RAPSN: variants seen among roughly 807,000 people sequenced by gnomAD.
The protein encoded by RAPSN is receptor associated protein of the synapse.
Under a neutral mutation model 45.7 loss-of-function variants are expected in RAPSN, and 33 were observed. That is an observed-to-expected ratio of 0.72 (90% confidence interval 0.55 to 0.97). The LOEUF (loss-of-function observed/expected upper bound fraction) is 0.97. RAPSN is among the 50% of genes least tolerant of loss of function. The pLI, the probability that RAPSN is intolerant of heterozygous loss-of-function variation, is 0.00. For synonymous variants in RAPSN, 244 were observed against 233.6 expected, an observed-to-expected ratio of 1.04 and a Z score of -0.40; for missense variants, 519 against 559.4, an observed-to-expected ratio of 0.93 and a Z score of 0.73.
Position 47,447,772 on chromosome 11 carries a change from C to A in RAPSN, c.531+40G>T, listed in dbSNP as rs192428099. ...TGTGTGCCTCATGAGAGGGGAGCCC[C>A]AAAACCCTCCACTGCTGTCCCCCTG... On this transcript the variant is annotated intron_variant, in intron 2 of 7. Coordinates refer to ENST00000298854, the MANE Select transcript of RAPSN (RefSeq NM_005055.5). 2.4e-5 allele frequency: 38 copies of A among 1,580,386 alleles called. No homozygotes were observed. The Admixed American group carries it at 2.5e-4, about 11-fold the overall frequency.
Position 47,447,857 on chromosome 11 carries a change from C to T in RAPSN, c.486G>A (p.Glu162=), listed in dbSNP as rs1279393649. 1.2e-6 allele frequency: 2 copies of T among 1,613,550 alleles called. No individual in the cohort carries two copies. Among genetic ancestry groups the T allele is most frequent in the Non-Finnish European group, 1.7e-6 (2 of 1,179,878 alleles). The change falls in exon 2 of 8, where the codon GAG becomes GAA. Residue 162 remains glutamate, a synonymous_variant. Transcript: ENST00000298854. ...YAHNNDDAML[E]CRVCCSLGSF... Reference sequence around the variant, plus strand: ...TGCCCAGGCTGCAGCACACGCGGCACTCGAGCATGGCGTCATCATTGTTGT... The same window carrying T: ...TGCCCAGGCTGCAGCACACGCGGCATTCGAGCATGGCGTCATCATTGTTGT...
Position 47,445,929 on chromosome 11 carries a change from C to CT in RAPSN, c.531+1882dup, listed in dbSNP as rs759897915. ...AACACCCCACAAGCCCACACTTGGGCTTTTTTTTTTTTTCTCTCACACAGG... is the reference window on the plus strand; with the variant it reads ...AACACCCCACAAGCCCACACTTGGGCTTTTTTTTTTTTTTCTCTCACACAGG... On this transcript the variant is annotated intron_variant, in intron 2 of 7. Transcript: ENST00000298854. Among the ~76,000 whole-genome samples the CT allele has an allele frequency of 5.5e-3, 799 of 144,482 alleles. 3 individuals carry two copies. The highest frequency in any genetic ancestry group is 0.017 in the African/African-American group (688 of 39,748). The allele number at this position is 144,482 out of a possible 152,430, so 94.8% of individuals were successfully genotyped here.
Position 47,437,825 on chromosome 11 carries a change from T to TGGGCCCAGGGGAGCAGCCCTGGGCA in RAPSN, c.*125_*149dup. The TGGGCCCAGGGGAGCAGCCCTGGGCA allele has an allele frequency of 1.1e-6, 1 of 921,228 alleles. No homozygotes were observed. The highest frequency in any genetic ancestry group is 1.7e-6 in the Non-Finnish European group (1 of 581,778). 57.1% of individuals were successfully genotyped at this position (921,228 alleles called of 1,614,324 possible). A position where few individuals can be genotyped will look rare whatever the true frequency, so the allele number is the denominator to read the frequency against. ...AGTACAAAGAGGCAGGGAGGGGAGC[T>TGGGCCCAGGGGAGCAGCCCTGGGCA]GGGCCCAGGGGAGCAGCCCTGGGCA... On this transcript the variant is annotated 3_prime_UTR_variant, in exon 8 of 8. Coordinates refer to ENST00000298854, the MANE Select transcript of RAPSN (RefSeq NM_005055.5).
At chr11:47,441,245 A>G in intron 5 of RAPSN, 33 bp from the exon 6 acceptor site, 1 of 1,611,920 alleles carries the variant, frequency 6.2e-7, no homozygotes, top group Non-Finnish European at 8.5e-7. Context: ...GGCTGCGGGC[A>G]GAGCTGTCTG....
chr11:47,447,800 G>T lies in RAPSN; in HGVS notation c.531+12C>A. On this transcript the variant is annotated intron_variant, in intron 2 of 7. Transcript: ENST00000298854. The stretch of plus-strand genomic sequence containing the variant: ...AACCCTCCACTGCTGTCCCCCTGGG[G>T]TGCAGGCCCACCTTGACCTGGGCAT... 1 of 1,606,498 alleles carries T rather than the reference G, an allele frequency of 6.2e-7. No individual in the cohort carries two copies. The highest frequency in any genetic ancestry group is 8.5e-7 in the Non-Finnish European group (1 of 1,176,964).
chr11:47,446,431 T>TG (rs2076407378), intron 2 of RAPSN, among the ~76,000 whole-genome samples: 1 of 152,066 alleles, frequency 6.6e-6, no homozygotes, highest in Non-Finnish European at 1.5e-5. Flanking sequence ...TTACATCTGC[T>TG]TCCTAAAAAC....
Position 47,449,094 on chromosome 11 carries a change from C to G in RAPSN, c.-130G>C. 1 of 1,129,732 alleles carries G rather than the reference C, an allele frequency of 8.9e-7. No homozygotes were observed. Among genetic ancestry groups the G allele is most frequent in the Non-Finnish European group, 1.3e-6 (1 of 765,274 alleles). The allele number at this position is 1,129,732 out of a possible 1,614,324, so 70.0% of individuals were successfully genotyped here. On this transcript the variant is annotated 5_prime_UTR_variant, in exon 1 of 8. Transcript: ENST00000298854. ...GAACAAAAGCAGCGTCGGGTGGGAG[C>G]CGGAATGGGGCCTGGATGGAGAGCA...
At chr11:47,444,800 G>A (rs1027106186) in intron 2 of RAPSN, among the ~76,000 whole-genome samples, 1 of 143,840 alleles carries the variant, frequency 7.0e-6, no homozygotes, top group Non-Finnish European at 1.5e-5. Flanking sequence ...AGAGGTTGCA[G>A]TGAGCCGAGA....
chr11:47,445,678 T>A (rs1243262108), intron 2 of RAPSN, among the ~76,000 whole-genome samples: 1 of 151,590 alleles, frequency 6.6e-6, no homozygotes, highest in Non-Finnish European at 1.5e-5. Context: ...TAGAGTAATA[T>A]TGGTATTGTC....
intron 5 of RAPSN, 117 bp downstream of exon 5, chr11:47,441,494 C>T (rs372150291): frequency 2.3e-4 from 356 of 1,530,228 alleles, no homozygotes; most frequent in African/African-American, 1.3e-3. Flanking sequence ...GTCCTGGCCT[C>T]GTAGGATCAG....
At chr11:47,439,767 C>G (rs1411122594) in intron 6 of RAPSN, among the ~76,000 whole-genome samples, 1 of 139,084 alleles carries the variant, frequency 7.2e-6, no homozygotes, top group African/African-American at 2.7e-5. Flanking sequence ...GGCTGGAGTA[C>G]AGTGGCACAA....
rs1371961755 is a variant in RAPSN, at chr11:47,437,778, T to C, written c.*197A>G. ...AATCCCTGGGACCAGGTACAAACAG[T>C]TTATTTTTCTATAAAGAGCAAAGTA... On this transcript the variant is annotated 3_prime_UTR_variant, in exon 8 of 8. Transcript: ENST00000298854. 7.0e-6 allele frequency: 5 copies of C among 719,036 alleles called. No homozygotes were observed. Among genetic ancestry groups the C allele is most frequent in the South Asian group, 6.2e-5 (4 of 64,626 alleles). The allele number at this position is 719,036 out of a possible 1,614,324, so 44.5% of individuals were successfully genotyped here.
Position 47,447,914 on chromosome 11 carries a change from C to T in RAPSN, c.429G>A (p.Leu143=), listed in dbSNP as rs762052702. 9 of 1,613,356 alleles carry T rather than the reference C, an allele frequency of 5.6e-6. No individual in the cohort carries two copies. In the Admixed American group the frequency reaches 1.2e-4, roughly 21 times the overall value. Residue 143 remains leucine (L), a synonymous_variant, in exon 2 of 8, where the codon CTG becomes CTA. Coordinates refer to ENST00000298854, the MANE Select transcript of RAPSN (RefSeq NM_005055.5). The stretch of plus-strand genomic sequence containing the variant: ...AGCGCAGGGCCTTCTCGAAGCTCTC[C>T]AGGGCCTTCTGGAAGACGCTGAGGC... The part of the protein sequence containing the change: ...FLGLSVFQKA[L]ESFEKALRYA...
chr11:47,441,242 G>C, intron 5 of RAPSN, 30 bp from the exon 6 acceptor site: 2 of 1,612,180 alleles, frequency 1.2e-6, no homozygotes, highest in Non-Finnish European at 1.7e-6. Flanking sequence ...CAGGGCTGCG[G>C]GCAGAGCTGT....
intron 6 of RAPSN, among the ~76,000 whole-genome samples, chr11:47,439,241 A>G (rs553580535): frequency 1.3e-5 from 2 of 152,320 alleles, no homozygotes; most frequent in Non-Finnish European, 2.9e-5. Context: ...GGGGAGGCCG[A>G]GGCAGGTGGA....
chr11:47,446,516 C>G lies in RAPSN; in HGVS notation c.531+1296G>C, dbSNP rs139357790. Among the ~76,000 whole-genome samples the G allele has an allele frequency of 5.4e-3, 827 of 152,256 alleles. 10 individuals carry two copies. Among genetic ancestry groups the G allele is most frequent in the African/African-American group, 0.018 (748 of 41,554 alleles). On this transcript the variant is annotated intron_variant, in intron 2 of 7. Coordinates refer to ENST00000298854, the MANE Select transcript of RAPSN (RefSeq NM_005055.5). Reference sequence around the variant, plus strand: ...GGATCCATCAGCATTTATCCACTCACTAACTCCAAGATTTATTAAGCATCT... The same window carrying G: ...GGATCCATCAGCATTTATCCACTCAGTAACTCCAAGATTTATTAAGCATCT...
chr11:47,439,628 A>G (rs1386388657), intron 6 of RAPSN, among the ~76,000 whole-genome samples: 1 of 151,760 alleles, frequency 6.6e-6, no homozygotes, highest in Non-Finnish European at 1.5e-5. Context: ...TGTGCACAGG[A>G]TCTCGTAGAA....
At position 47,438,763 on chromosome 11, in the gene RAPSN, C is replaced by T; in HGVS notation, c.1135G>A (p.Ala379Thr). 1.3e-6 allele frequency: 2 copies of T among 1,564,322 alleles called. No individual in the cohort carries two copies. Among genetic ancestry groups the T allele is most frequent in the South Asian group, 1.2e-5 (1 of 85,034 alleles). The change falls in exon 7 of 8, where the codon GCC becomes ACC. Residue 379 changes from alanine (A) to threonine (T), a missense_variant. Ala to Thr is a moderately conservative substitution (Grantham distance 58). Coordinates refer to ENST00000298854, the MANE Select transcript of RAPSN (RefSeq NM_005055.5). ...TGGAAGATGTGGGAGCAAGGTAGGG[C>T]CTGCAGCCGGCTGTTCTTCTCGCCT... ...SIGEKNSRLQ[A>T]LPCSHIFHLR...
chr11:47,448,543 C>T (rs527652823), intron 1 of RAPSN, among the ~76,000 whole-genome samples: 2 of 152,164 alleles, frequency 1.3e-5, no homozygotes, highest in African/African-American at 4.8e-5. Flanking sequence ...GGCTGGAGAA[C>T]CTCAGTCTCA....
Sources: allele counts gnomAD v4.1 joint callset (sites outside exome capture counted in the v4.1 genomes callset), GRCh38; gene constraint gnomAD v4.1.1; transcripts MANE v1.5; gene names NCBI Gene and HGNC (gene_info 2026-07-23, HGNC 2026-07-21).